TMEM260: variants seen among roughly 807,000 people sequenced by gnomAD.
The protein encoded by TMEM260 is transmembrane protein 260, also known as protein O-mannosyl-transferase TMEM260.
TMEM260 carries 82 observed loss-of-function variants against 88.9 expected under a neutral mutation model. That is an observed-to-expected ratio of 0.92 (90% CI 0.77 to 1.11). The LOEUF (loss-of-function observed/expected upper bound fraction) is 1.11. Ranked by LOEUF, TMEM260 falls within the 50% of genes least tolerant of loss-of-function variation. The probability of loss-of-function intolerance (pLI) is 0.00; values close to 1 mark genes in which losing one functional copy is unlikely to be tolerated. For missense variants in TMEM260, 902 were observed against 853.4 expected (o/e 1.06, Z -0.71); for synonymous variants, 314 against 309.3 (o/e 1.02, Z -0.16).
chr14:56,597,103 C>T (rs1198574304), intron 3 of TMEM260, among the ~76,000 whole-genome samples: 1 of 152,106 alleles, frequency 6.6e-6, no homozygotes, highest in Non-Finnish European at 1.5e-5. Flanking sequence ...AAAGACGATG[C>T]TTATACTGAG....
intron 3 of TMEM260, among the ~76,000 whole-genome samples, chr14:56,587,905 A>G (rs191760221): frequency 1.4e-4 from 22 of 152,144 alleles, no homozygotes; most frequent in Admixed American, 3.9e-4. Flanking sequence ...GACATTATAC[A>G]ATGTCAGCTG....
At chr14:56,634,539 C>A (rs1328491121) in intron 13 of TMEM260, among the ~76,000 whole-genome samples, 1 of 152,132 alleles carries the variant, frequency 6.6e-6, no homozygotes, top group Non-Finnish European at 1.5e-5. Flanking sequence ...TATGACCTAT[C>A]CATTGCAAAA....
At chr14:56,635,242 C>CATCTGTCTGCCTCT (rs1322836956) in intron 14 of TMEM260, among the ~76,000 whole-genome samples, 1 of 152,200 alleles carries the variant, frequency 6.6e-6, no homozygotes, top group Admixed American at 6.5e-5. Flanking sequence ...CCAAAGTTCA[C>CATCTGTCTGCCTCT]ATCTGTCTGC....
intron 3 of TMEM260, among the ~76,000 whole-genome samples, chr14:56,595,479 A>G (rs1346893219): frequency 1.3e-5 from 2 of 152,046 alleles, no homozygotes; most frequent in Non-Finnish European, 2.9e-5. Flanking sequence ...CCTATATTTT[A>G]TTTTATTTTC....
chr14:56,613,075 A>G (rs1887385492), intron 7 of TMEM260: 1 of 152,170 alleles, frequency 6.6e-6, no homozygotes, highest in Admixed American at 6.5e-5. Flanking sequence ...TATATTATTT[A>G]ATAGTGTTCT....
At chr14:56,583,987 CTT>C (rs1491354099) in intron 1 of TMEM260, among the ~76,000 whole-genome samples, 296 of 122,118 alleles carry the variant, frequency 2.4e-3, no homozygotes, top group African/African-American at 8.7e-3. Context: ...GCAATCCAGC[CTT>C]TTGTGTGTGT....
intron 13 of TMEM260, among the ~76,000 whole-genome samples, 157 bp from the exon 14 acceptor site, chr14:56,634,742 G>A (rs940065506): frequency 3.9e-5 from 6 of 151,928 alleles, no homozygotes; most frequent in Admixed American, 1.3e-4. Context: ...CTTGGGAGGC[G>A]GGGGCAGGAG....
At position 56,618,457 on chromosome 14, in the gene TMEM260, G is replaced by A. The variant is rs1460237557; in HGVS notation, c.1057-137G>A. 1.2e-5 allele frequency: 9 copies of A among 768,514 alleles called. No individual in the cohort carries two copies. In the African/African-American group the frequency reaches 1.4e-4, roughly 12 times the overall value. The allele number at this position is 768,514 out of a possible 1,614,324, so 47.6% of individuals were successfully genotyped here. A position where few individuals can be genotyped will look rare whatever the true frequency, so the allele number is the denominator to read the frequency against. On this transcript the variant is annotated intron_variant, in intron 9 of 15. Coordinates refer to ENST00000261556, the MANE Select transcript of TMEM260 (RefSeq NM_017799.4). Reference sequence around the variant, plus strand: ...TAAAATGACCTGGGCTTGGATTGGGGAAATCAGTTAACAAAACCTGAATGA... The same window carrying A: ...TAAAATGACCTGGGCTTGGATTGGGAAAATCAGTTAACAAAACCTGAATGA...
At chr14:56,645,529 A>T (rs1042895810) in intron 15 of TMEM260, among the ~76,000 whole-genome samples, 32 of 152,090 alleles carry the variant, frequency 2.1e-4, no homozygotes, top group African/African-American at 7.7e-4. Context: ...GCATTAGGAG[A>T]TATACCTAAT....
intron 3 of TMEM260, among the ~76,000 whole-genome samples, chr14:56,603,162 T>A (rs1294138776): frequency 6.6e-6 from 1 of 152,138 alleles, no homozygotes; most frequent in Non-Finnish European, 1.5e-5. Context: ...TGTTTCTGAG[T>A]GTAGCATCTG....
rs749821794 is a variant in TMEM260 at position 56,604,008 on chromosome 14, C to G, written c.522+16C>G. On this transcript the variant is annotated intron_variant, in intron 4 of 15. Coordinates refer to ENST00000261556, the MANE Select transcript of TMEM260 (RefSeq NM_017799.4). ...GAGATCAAAGGTAACCTATTTTGATCAAAGTGAAATCAGTTTTTGTTTTAA... is the reference window on the plus strand; with the variant it reads ...GAGATCAAAGGTAACCTATTTTGATGAAAGTGAAATCAGTTTTTGTTTTAA... The G allele has an allele frequency of 6.6e-7, 1 of 1,517,000 alleles. No individual in the cohort carries two copies. Among genetic ancestry groups the G allele is most frequent in the Non-Finnish European group, 8.8e-7 (1 of 1,137,712 alleles). The allele number at this position is 1,517,000 out of a possible 1,614,324, so 94.0% of individuals were successfully genotyped here. A position where few individuals can be genotyped will look rare whatever the true frequency, so the allele number is the denominator to read the frequency against.
intron 10 of TMEM260, among the ~76,000 whole-genome samples, chr14:56,620,188 T>C (rs1330533309): frequency 6.6e-6 from 1 of 152,184 alleles, no homozygotes; most frequent in Admixed American, 6.5e-5. Context: ...AACTATTGTG[T>C]GCCAGGCTTA....
intron 12 of TMEM260, among the ~76,000 whole-genome samples, chr14:56,631,719 T>C (rs1888618240): frequency 6.6e-6 from 1 of 152,000 alleles, no homozygotes; most frequent in Non-Finnish European, 1.5e-5. Context: ...CCCTAGAAGG[T>C]CATACCGGTT....
chr14:56,636,280 T>G (rs1198994202), intron 14 of TMEM260, among the ~76,000 whole-genome samples: 1 of 152,060 alleles, frequency 6.6e-6, no homozygotes, highest in East Asian at 1.9e-4. Flanking sequence ...AAGTGTAAGC[T>G]TTTTTTCTAA....
At position 56,648,569 on chromosome 14, in the gene TMEM260, C is replaced by G. The variant is rs1283675457; in HGVS notation, c.*1072C>G. 6.6e-6 allele frequency: 1 copy of G among 152,598 alleles called. No individual in the cohort carries two copies. Among genetic ancestry groups the G allele is most frequent in the African/African-American group, 2.4e-5 (1 of 41,412 alleles). 9.5% of individuals were successfully genotyped at this position (152,598 alleles called of 1,614,324 possible). ...TGAAGAGGGAGGGCTAGAAGCTTGT[C>G]TGCATTCAAAGATCACTGGTGAGTC... On this transcript the variant is annotated 3_prime_UTR_variant, in exon 16 of 16. Transcript: ENST00000261556.
At chr14:56,628,321 C>A (rs1202594836) in intron 12 of TMEM260, among the ~76,000 whole-genome samples, 1 of 152,208 alleles carries the variant, frequency 6.6e-6, no homozygotes, top group Admixed American at 6.5e-5. Flanking sequence ...GGTACGCAAC[C>A]TCTGTCAAAT....
At chr14:56,657,361 T>C in the TMEM260 span, among the ~76,000 whole-genome samples, 2 of 152,174 alleles carry the variant, frequency 1.3e-5, no homozygotes, top group African/African-American at 4.8e-5. Context: ...CGGCTGGTCA[T>C]GAACTCCTGG....
intron 6 of TMEM260, among the ~76,000 whole-genome samples, chr14:56,609,927 A>T (rs963447524): frequency 6.6e-6 from 1 of 152,182 alleles, no homozygotes; most frequent in Non-Finnish European, 1.5e-5. Flanking sequence ...ATAGACAGTT[A>T]TATCAGGTTT....
chr14:56,624,924 C>T (rs1386639425), intron 11 of TMEM260, among the ~76,000 whole-genome samples: 1 of 152,180 alleles, frequency 6.6e-6, no homozygotes, highest in East Asian at 1.9e-4. Context: ...AACTGTTCCA[C>T]CTGAGATCAT....
Sources: gnomAD v4.1 joint callset for allele counts (sites outside exome capture counted in the v4.1 genomes callset) on GRCh38, gnomAD v4.1.1 for gene constraint, MANE v1.5 for transcripts, NCBI Gene and HGNC (gene_info 2026-07-23, HGNC 2026-07-21) for gene names.